SYNRG: variants seen among roughly 807,000 people sequenced by gnomAD.
The protein encoded by SYNRG is synergin gamma, also known as AP1 gamma subunit binding protein 1.
Under a neutral mutation model 130.9 loss-of-function variants are expected in SYNRG, and 37 were observed. The observed-to-expected ratio is 0.28, with a 90% CI of 0.22 to 0.37. SYNRG has a LOEUF of 0.37. Among genes scored for constraint, SYNRG ranks in the 10% least tolerant of loss-of-function variants. SYNRG has a pLI of 1.00. For synonymous variants in SYNRG, 539 were observed against 568.1 expected (o/e 0.95, Z 0.73); for missense variants, 1,338 against 1,588.9 (o/e 0.84, Z 2.68).
intron 6 of SYNRG, among the ~76,000 whole-genome samples, chr17:37,584,107 C>T (rs2061526360): frequency 6.6e-6 from 1 of 152,174 alleles, no homozygotes. Context: ...AATCCCTTTA[C>T]CCTGCTCTAA....
At chr17:37,570,247 G>C (rs1028644446) in intron 10 of SYNRG, among the ~76,000 whole-genome samples, 1 of 150,098 alleles carries the variant, frequency 6.7e-6, no homozygotes, top group Non-Finnish European at 1.5e-5. Flanking sequence ...GAACTCCTGG[G>C]ATCAAGTGAT....
intron 15 of SYNRG, chr17:37,541,172 T>G: frequency 1.0e-6 from 1 of 985,164 alleles, no homozygotes; most frequent in Non-Finnish European, 1.2e-6. Flanking sequence ...TATGTAAGAG[T>G]TGTGTGGCTT....
chr17:37,585,809 T>A (rs1463764495), intron 4 of SYNRG, among the ~76,000 whole-genome samples: 1 of 152,152 alleles, frequency 6.6e-6, no homozygotes, highest in East Asian at 1.9e-4. Flanking sequence ...GAAAGAGTAA[T>A]GATTTGGGAA....
At position 37,516,230 on chromosome 17, in the gene SYNRG, CAAG is replaced by C. The variant is rs1182580352; in HGVS notation, c.*2707_*2709del. The C allele has an allele frequency of 6.6e-6, 1 of 152,160 alleles. No individual in the cohort carries two copies. The highest frequency in any genetic ancestry group is 6.6e-5 in the Admixed American group (1 of 15,264). 9.4% of individuals were successfully genotyped at this position (152,160 alleles called of 1,614,324 possible). ...CCAAGGACACGGGGCTCCTGGCTGA[CAAG>C]AAGAGCTGAGGTGAAGCTGAATGCA... is the stretch of plus-strand genomic sequence containing the variant. On this transcript the variant is annotated 3_prime_UTR_variant, in exon 22 of 22. Coordinates refer to ENST00000612223, the MANE Select transcript of SYNRG (RefSeq NM_007247.6).
At chr17:37,593,436 T>A (rs1277641094) in intron 3 of SYNRG, among the ~76,000 whole-genome samples, 1 of 151,934 alleles carries the variant, frequency 6.6e-6, no homozygotes, top group Non-Finnish European at 1.5e-5. Flanking sequence ...AATTTTTTTA[T>A]GTTGACTTTT....
chr17:37,575,874 C>G (rs1383097260), intron 8 of SYNRG, among the ~76,000 whole-genome samples: 2 of 150,130 alleles, frequency 1.3e-5, no homozygotes, highest in Non-Finnish European at 3.0e-5. Context: ...TAAACACTAT[C>G]CTTCACATCT....
chr17:37,561,466 T>C lies in SYNRG; in HGVS notation c.1600+5A>G, dbSNP rs2059527849. 6 of 1,610,402 alleles carry C rather than the reference T, an allele frequency of 3.7e-6. No individual in the cohort carries two copies. The highest frequency in any genetic ancestry group is 5.1e-6 in the Non-Finnish European group (6 of 1,176,834). ...CACAAGTTTATGAATTTACCAACTT[T>C]TTACCTCCAGGTGGAACAGTATTTT... is the stretch of plus-strand genomic sequence containing the variant. On this transcript the variant is annotated splice_donor_5th_base_variant and intron_variant, in intron 12 of 21. Transcript: ENST00000612223.
At chr17:37,520,312 C>T in intron 20 of SYNRG, 98 bp from the exon 21 acceptor site, 11 of 1,487,372 alleles carry the variant, frequency 7.4e-6, no homozygotes, top group South Asian at 6.8e-5. Context: ...CCCCTGACCT[C>T]CCCACTATGC....
chr17:37,570,563 T>G, intron 10 of SYNRG, 74 bp downstream of exon 10: 1 of 1,527,990 alleles, frequency 6.5e-7, no homozygotes, highest in South Asian at 1.3e-5. Flanking sequence ...ACCTACTCTA[T>G]GTATCCCCGG....
At chr17:37,557,992 T>G (rs1465217496) in intron 13 of SYNRG, among the ~76,000 whole-genome samples, 1 of 152,238 alleles carries the variant, frequency 6.6e-6, no homozygotes, top group Admixed American at 6.5e-5. Flanking sequence ...TGTTAAACCA[T>G]GTGCTCTTTA....
chr17:37,553,526 T>C lies in SYNRG; in HGVS notation c.2197A>G (p.Lys733Glu), dbSNP rs373912672. The change falls in exon 14 of 22, where the codon AAG becomes GAG. Residue 733 changes from lysine to glutamate, a missense_variant. Lys to Glu is a moderately conservative substitution (Grantham distance 56). This residue lies in a region of SYNRG where 1,146 missense variants were observed against 1,342.3 expected (regional missense o/e 0.85). Coordinates refer to ENST00000612223, the MANE Select transcript of SYNRG (RefSeq NM_007247.6). ...GCAGCAGTCGAGTTTTGTCCACCCT[T>C]CACTGTGCTGCCCACGTTGCTGGTT... Reference protein sequence around the residue: ...PLTSNVGSTVKGGQNSTAAST... With the variant: ...PLTSNVGSTVEGGQNSTAAST... 1.1e-5 allele frequency: 17 copies of C among 1,614,216 alleles called. No individual in the cohort carries two copies. Among genetic ancestry groups the C allele is most frequent in the Non-Finnish European group, 1.4e-5 (17 of 1,180,016 alleles).
At chr17:37,538,708 C>G (rs2057443022) in intron 17 of SYNRG, among the ~76,000 whole-genome samples, 1 of 152,228 alleles carries the variant, frequency 6.6e-6, no homozygotes, top group South Asian at 2.1e-4. Flanking sequence ...GATTCTCCTG[C>G]CTCAGTTTCC....
intron 16 of SYNRG, among the ~76,000 whole-genome samples, chr17:37,539,795 C>T (rs924010373): frequency 6.6e-6 from 1 of 152,360 alleles, no homozygotes; most frequent in Admixed American, 6.5e-5. Context: ...AGTGTTGCCT[C>T]ATTTGTTCCA....
chr17:37,566,583 A>T (rs1265383142), intron 11 of SYNRG, among the ~76,000 whole-genome samples: 1 of 150,370 alleles, frequency 6.7e-6, no homozygotes, highest in Non-Finnish European at 1.5e-5. Flanking sequence ...CTATTGTCCC[A>T]TGACCCTGCC....
Position 37,591,027 on chromosome 17 carries a change from G to A in SYNRG, c.241-4478C>T, listed in dbSNP as rs550295001. On this transcript the variant is annotated intron_variant, in intron 3 of 21. Coordinates refer to ENST00000612223, the MANE Select transcript of SYNRG (RefSeq NM_007247.6). ...TTTAAAAAAATGTAAAACAAACGTG[G>A]CATATTAAAATCTGATAAAGGTAGG... is the stretch of plus-strand genomic sequence containing the variant. Among the ~76,000 whole-genome samples the A allele has an allele frequency of 4.3e-4, 66 of 152,192 alleles. No individual in the cohort carries two copies. In the South Asian group the frequency reaches 9.3e-3, roughly 22 times the overall value.
In SYNRG at chr17:37,536,109, C is replaced by G; in HGVS notation, c.3536G>C (p.Arg1179Thr). The G allele has an allele frequency of 6.2e-7, 1 of 1,612,118 alleles. No homozygotes were observed. Among genetic ancestry groups the G allele is most frequent in the Non-Finnish European group, 8.5e-7 (1 of 1,179,164 alleles). ...EYLLGVVEVY[R>T]VTKRVELGIK... Reference sequence around the variant, plus strand: ...CCCCAGCTCCACACGCTTGGTTACCCTGTACACTTCAACAACACCTGACGG... The same window carrying G: ...CCCCAGCTCCACACGCTTGGTTACCGTGTACACTTCAACAACACCTGACGG... The change falls in exon 19 of 22, where the codon AGG becomes ACG. Residue 1179 changes from arginine to threonine, a missense_variant. Physicochemically the swap from Arg to Thr is moderately conservative, Grantham distance 71. This residue lies in a region of SYNRG where 1,146 missense variants were observed against 1,342.3 expected (regional missense o/e 0.85). Transcript: ENST00000612223.
intron 6 of SYNRG, among the ~76,000 whole-genome samples, chr17:37,580,510 T>TGTGTGTGTGTGTGTGAGA (rs1384344164): frequency 8.0e-4 from 102 of 127,706 alleles, no homozygotes; most frequent in African/African-American, 3.3e-3. Context: ...TGTGTGTGTG[T>TGTGTGTGTGTGTGTGAGA]GAGAGAGAGA....
At chr17:37,573,014 T>C (rs1490271257) in intron 8 of SYNRG, among the ~76,000 whole-genome samples, 2 of 152,204 alleles carry the variant, frequency 1.3e-5, no homozygotes, top group Non-Finnish European at 2.9e-5. Context: ...AAATGAAACT[T>C]AGTAGGGCTA....
Position 37,542,153 on chromosome 17 carries a change from T to G in SYNRG, c.3021A>C (p.Pro1007=). The change falls in exon 15 of 22, where the codon CCA becomes CCC. Residue 1007 remains proline, a synonymous_variant. Coordinates refer to ENST00000612223, the MANE Select transcript of SYNRG (RefSeq NM_007247.6). ...TTTCTTGAGAGGCACCACTGGACGCTGGGCTGGGACACGTGGCCTCCTGGC... is the reference window on the plus strand; with the variant it reads ...TTTCTTGAGAGGCACCACTGGACGCGGGGCTGGGACACGTGGCCTCCTGGC... ...ERSQEATCPS[P]ASSGASQETP... 1 of 1,614,218 alleles carries G rather than the reference T, an allele frequency of 6.2e-7. No homozygotes were observed. The highest frequency in any genetic ancestry group is 1.7e-5 in the Admixed American group (1 of 60,030).
Sources: gnomAD v4.1 joint callset for allele counts (sites outside exome capture counted in the v4.1 genomes callset) on GRCh38, gnomAD v4.1.1 for gene constraint, gnomAD v4.1.1 regional missense constraint, MANE v1.5 for transcripts, NCBI Gene and HGNC (gene_info 2026-07-23, HGNC 2026-07-21) for gene names.